The following ARHGAP36 variants were observed in gnomAD, a reference collection of about 807,000 sequenced individuals.
ARHGAP36 encodes the protein rho GTPase-activating protein 36.
Under a neutral mutation model 32.9 loss-of-function variants are expected in ARHGAP36, and 7 were observed. The observed-to-expected ratio is 0.21, with a 90% CI of 0.12 to 0.40. The LOEUF (loss-of-function observed/expected upper bound fraction) is 0.40, where lower values mean the gene tolerates loss of function less well. Among genes scored for constraint, ARHGAP36 ranks in the 10% least tolerant of loss-of-function variants. The probability of loss-of-function intolerance (pLI) is 1.00; values close to 1 mark genes in which losing one functional copy is unlikely to be tolerated. For missense variants in ARHGAP36, 383 were observed against 442.2 expected (o/e 0.87, Z 1.20); for synonymous variants, 165 against 168.3 (o/e 0.98, Z 0.15).
Position 131,083,236 on chromosome X carries a change from G to A in ARHGAP36, c.319+6G>A, listed in dbSNP as rs745835757. 10 of 1,202,423 alleles carry A rather than the reference G, an allele frequency of 8.3e-6. No homozygotes were observed. Among genetic ancestry groups the A allele is most frequent in the South Asian group, 1.8e-5 (1 of 55,241 alleles). ...TTTGAGAGGACAGCAGAGGGGTGAG[G>A]GGGCTCTTGTATTTTCTTTAGAAAA... On this transcript the variant is annotated splice_donor_region_variant and intron_variant, in intron 3 of 11. Coordinates refer to ENST00000276211, the MANE Select transcript of ARHGAP36 (RefSeq NM_144967.4).
chrX:131,083,850 G>A lies in ARHGAP36; in HGVS notation c.436G>A (p.Ala146Thr), dbSNP rs1347804086. The change falls in exon 4 of 12, where the codon GCT becomes ACT. Residue 146 changes from alanine (A) to threonine (T), a missense_variant. By Grantham distance (58) the Ala-to-Thr change is moderately conservative. Around this residue, in one of 2 missense-constraint regions of ARHGAP36, gnomAD observed 156 missense variants for 131.0 expected, o/e 1.19. Transcript: ENST00000276211. ...GCAGGTTGAAGAAGCCACCGGTCAG[G>A]CTGCGGGCCGTCGTCGGGGAAACGT... Reference protein sequence around the residue: ...TMQVEEATGQAAGRRRGNVVR... With the variant: ...TMQVEEATGQTAGRRRGNVVR... The A allele has an allele frequency of 8.2e-7, 1 of 1,212,429 alleles. No homozygotes were observed. The highest frequency in any genetic ancestry group is 2.3e-4 in the Middle Eastern group (1 of 4,349).
At chrX:131,083,255 T>C (rs917861729) in intron 3 of ARHGAP36, 25 bp downstream of exon 3, 2 of 1,184,734 alleles carry the variant, frequency 1.7e-6, no homozygotes, top group Non-Finnish European at 1.1e-6. Flanking sequence ...GTATTTTCTT[T>C]AGAAAAGAAA....
At chrX:131,065,583 C>T (rs1261035878) in intron 1 of ARHGAP36, among the ~76,000 whole-genome samples, 1 of 111,112 alleles carries the variant, frequency 9.0e-6, no homozygotes, top group African/African-American at 3.3e-5. Flanking sequence ...TGCCTGAACA[C>T]CTTGTATGGA....
chrX:131,085,135 A>G, intron 7 of ARHGAP36, 71 bp downstream of exon 7: 1 of 1,099,121 alleles, frequency 9.1e-7, no homozygotes, highest in Non-Finnish European at 1.2e-6. Flanking sequence ...TTCTAGGGAC[A>G]GAGCTCAGGC....
chrX:131,087,714 T>A (rs917070083), intron 11 of ARHGAP36, among the ~76,000 whole-genome samples: 1 of 111,833 alleles, frequency 8.9e-6, no homozygotes, highest in Admixed American at 9.5e-5. Flanking sequence ...TCCTCAGATG[T>A]GAGTGGAGTC....
chrX:131,074,634 G>T (rs2079751541), intron 1 of ARHGAP36, among the ~76,000 whole-genome samples: 1 of 112,044 alleles, frequency 8.9e-6, no homozygotes, highest in Admixed American at 9.4e-5. Context: ...ACAAAGGAAA[G>T]GAAACATATT....
At position 131,081,672 on chromosome X, in the gene ARHGAP36, G is replaced by A; in HGVS notation, c.7G>A (p.Gly3Ser). 8.3e-7 allele frequency: 1 copy of A among 1,209,135 alleles called. No individual in the cohort carries two copies. Among genetic ancestry groups the A allele is most frequent in the Non-Finnish European group, 1.1e-6 (1 of 894,920 alleles). Reference sequence around the variant, plus strand: ...ATAATCATCCGATTCCAGAATGGGTGGCTGCATTCCTTTTCTGAAGGCAGC... The same window carrying A: ...ATAATCATCCGATTCCAGAATGGGTAGCTGCATTCCTTTTCTGAAGGCAGC... MGGCIPFLKAARA... is the reference protein window; with the variant it reads MGSCIPFLKAARA... The change falls in exon 2 of 12, where the codon GGC becomes AGC. Residue 3 changes from glycine (G) to serine (S), a missense_variant. Gly to Ser is a moderately conservative substitution (Grantham distance 56, BLOSUM62 0). Coordinates refer to ENST00000276211, the MANE Select transcript of ARHGAP36 (RefSeq NM_144967.4).
At chrX:131,081,216 G>A (rs1485042222) in intron 1 of ARHGAP36, among the ~76,000 whole-genome samples, 3 of 108,903 alleles carry the variant, frequency 2.8e-5, no homozygotes, top group Non-Finnish European at 3.8e-5. Flanking sequence ...TTCTGGACTT[G>A]TCTGAATTTG....
rs1377846196 is a variant in ARHGAP36 at position 131,068,465 on chromosome X, C to T, written c.-143+10021C>T. Among the ~76,000 whole-genome samples the T allele has an allele frequency of 4.5e-5, 5 of 112,092 alleles. No homozygotes were observed. In the East Asian group the frequency reaches 1.1e-3, roughly 25 times the overall value. On this transcript the variant is annotated intron_variant, in intron 1 of 11. Transcript: ENST00000276211. ...TAAGTGAGTTGGATCCAAGGAAAATCCAGGCGGAACCCAGGAAAACAAGAA... is the reference window on the plus strand; with the variant it reads ...TAAGTGAGTTGGATCCAAGGAAAATTCAGGCGGAACCCAGGAAAACAAGAA...
intron 1 of ARHGAP36, among the ~76,000 whole-genome samples, chrX:131,064,758 A>C: frequency 9.0e-6 from 1 of 111,072 alleles, no homozygotes; most frequent in Non-Finnish European, 1.9e-5. Context: ...ACATGGAAAA[A>C]ACAAAAGCCC....
chrX:131,085,517 C>A, intron 7 of ARHGAP36, 71 bp from the exon 8 acceptor site: 1 of 1,120,007 alleles, frequency 8.9e-7, no homozygotes, highest in Non-Finnish European at 1.2e-6. Context: ...CAAGCAGAAT[C>A]TCACCTCCCT....
chrX:131,058,400 T>A lies in ARHGAP36; in HGVS notation c.-187T>A. On this transcript the variant is annotated 5_prime_UTR_variant, in exon 1 of 12. Transcript: ENST00000276211. ...TCAGCGCGGGTCATGGCGTGGATAC[T>A]GGACTGCCTTTTCGCCTCGGCCTTT... 9.0e-7 allele frequency: 1 copy of A among 1,113,121 alleles called. No homozygotes were observed. Among genetic ancestry groups the A allele is most frequent in the Non-Finnish European group, 1.2e-6 (1 of 845,896 alleles). 91.7% of individuals were successfully genotyped at this position (1,113,121 alleles called of 1,213,427 possible). A position where few individuals can be genotyped will look rare whatever the true frequency, so the allele number is the denominator to read the frequency against.
At chrX:131,079,563 T>G (rs892479197) in intron 1 of ARHGAP36, among the ~76,000 whole-genome samples, 11 of 20,573 alleles carry the variant, frequency 5.3e-4, no homozygotes, top group Non-Finnish European at 9.1e-4. Flanking sequence ...TTGTTTTTTG[T>G]TTTTTTTTTT....
At chrX:131,072,180 G>A (rs757793950) in intron 1 of ARHGAP36, among the ~76,000 whole-genome samples, 1 of 111,537 alleles carries the variant, frequency 9.0e-6, no homozygotes, top group South Asian at 3.8e-4. Flanking sequence ...TAAGACTATA[G>A]TAGTGGGGGG....
At chrX:131,086,132 C>G in intron 9 of ARHGAP36, 43 bp downstream of exon 9, 1 of 1,191,119 alleles carries the variant, frequency 8.4e-7, no homozygotes, top group Non-Finnish European at 1.1e-6. Context: ...ACATCCATCT[C>G]CTGTTCACAA....
chrX:131,087,216 C>T (rs368140962), intron 11 of ARHGAP36, among the ~76,000 whole-genome samples: 15 of 111,480 alleles, frequency 1.3e-4, no homozygotes, highest in East Asian at 5.7e-4. Flanking sequence ...TCCCAGACCA[C>T]GCAGATGCTT....
At chrX:131,067,272 G>A (rs1247330415) in intron 1 of ARHGAP36, among the ~76,000 whole-genome samples, 1 of 113,035 alleles carries the variant, frequency 8.8e-6, no homozygotes, top group Admixed American at 9.2e-5. Flanking sequence ...GGCTCAGCTA[G>A]GCACCAGCTG....
chrX:131,075,467 G>A (rs930946800), intron 1 of ARHGAP36, among the ~76,000 whole-genome samples: 11 of 110,093 alleles, frequency 1.0e-4, no homozygotes, highest in Non-Finnish European at 2.1e-4. Context: ...TGCCTACACA[G>A]GGCTTTTGGT....
intron 2 of ARHGAP36, among the ~76,000 whole-genome samples, chrX:131,082,263 A>AG (rs2079805453): frequency 8.9e-6 from 1 of 112,031 alleles, no homozygotes; most frequent in Non-Finnish European, 1.9e-5. Flanking sequence ...GGAAGCGCAG[A>AG]GGGACACTCT....
Sources: gnomAD v4.1 joint callset for allele counts (sites outside exome capture counted in the v4.1 genomes callset) on GRCh38, gnomAD v4.1.1 for gene constraint, gnomAD v4.1.1 regional missense constraint, MANE v1.5 for transcripts, NCBI Gene and HGNC (gene_info 2026-07-23, HGNC 2026-07-21) for gene names.